RGS6: variants seen among roughly 807,000 people sequenced by gnomAD.
RGS6 encodes the protein regulator of G protein signaling 6.
Under a neutral mutation model 78.5 loss-of-function variants are expected in RGS6, and 30 were observed. The ratio of observed to expected loss-of-function variants is 0.38; its 90% CI spans 0.29 to 0.52. The LOEUF (loss-of-function observed/expected upper bound fraction) is 0.52, where lower values mean the gene tolerates loss of function less well. Ranked by LOEUF, RGS6 falls within the 20% of genes least tolerant of loss-of-function variation. RGS6 has a pLI of 0.85. For synonymous variants in RGS6, 206 were observed against 206.0 expected (o/e 1.00, Z 0.00); for missense variants, 495 against 609.7 (o/e 0.81, Z 1.98).
chr14:72,250,407 A>AAAC (rs1555577339), intron 2 of RGS6, among the ~76,000 whole-genome samples: 1 of 151,344 alleles, frequency 6.6e-6, no homozygotes, highest in Non-Finnish European at 1.5e-5. Flanking sequence ...CCGAAAAAAA[A>AAAC]AAAAAACCCC....
chr14:71,909,574 C>CCTAGAGAGAG, the RGS6 span, among the ~76,000 whole-genome samples: 1 of 16,928 alleles, frequency 5.9e-5, no homozygotes, highest in Non-Finnish European at 1.2e-4. Context: ...GAAATAAGGA[C>CCTAGAGAGAG]ATAGAGAGAG....
At chr14:72,079,059 A>G (rs187508326) in intron 2 of RGS6, among the ~76,000 whole-genome samples, 6 of 152,268 alleles carry the variant, frequency 3.9e-5, no homozygotes, top group Admixed American at 3.9e-4. Context: ...CAACTGATGT[A>G]CCAAAATTAA....
chr14:72,409,756 T>C (rs952019236), intron 3 of RGS6, among the ~76,000 whole-genome samples: 1 of 152,236 alleles, frequency 6.6e-6, no homozygotes, highest in Admixed American at 6.5e-5. Flanking sequence ...ATGTTCCCCT[T>C]CCTGTGTCCA....
At chr14:72,620,057 C>A in the RGS6 span, 1 of 1,425,316 alleles carries the variant, frequency 7.0e-7, no homozygotes, top group East Asian at 2.5e-5. Flanking sequence ...CCCCCGCTTA[C>A]CCATCAGCCT....
chr14:71,991,407 C>T (rs1384871293), intron 2 of RGS6, among the ~76,000 whole-genome samples: 1 of 152,140 alleles, frequency 6.6e-6, no homozygotes, highest in Non-Finnish European at 1.5e-5. Flanking sequence ...GAAGACAAAC[C>T]AATATTTCTC....
chr14:71,919,742 C>T, the RGS6 span, among the ~76,000 whole-genome samples: 1 of 152,124 alleles, frequency 6.6e-6, no homozygotes. Flanking sequence ...ACCTGTAAGC[C>T]TGGCACTTTG....
chr14:72,173,288 C>T (rs2097053402), intron 2 of RGS6, among the ~76,000 whole-genome samples: 2 of 152,042 alleles, frequency 1.3e-5, no homozygotes, highest in South Asian at 4.1e-4. Flanking sequence ...TGATCTGGCT[C>T]AGAATGTCAG....
rs532252967 is a variant in RGS6, at chr14:72,273,238, A to G, written c.85-78857A>G. Among the ~76,000 whole-genome samples the G allele has an allele frequency of 8.5e-5, 13 of 152,354 alleles. No individual in the cohort carries two copies. The South Asian group carries it at 2.3e-3, about 27-fold the overall frequency. ...TTGAGAAAGTTGATTCCGGCTTTCA[A>G]AGCTTGCATTATGGGTAAGAAACTT... is the stretch of plus-strand genomic sequence containing the variant. On this transcript the variant is annotated intron_variant, in intron 2 of 17. Transcript: ENST00000553525.
At chr14:72,138,449 G>GTTTTTTT (rs71448384) in intron 2 of RGS6, among the ~76,000 whole-genome samples, 4 of 86,648 alleles carry the variant, frequency 4.6e-5, no homozygotes, top group Admixed American at 1.3e-4. Flanking sequence ...ACCTGTACCT[G>GTTTTTTT]TTTTTTTTTT....
chr14:72,573,699 AG>A, the RGS6 span, among the ~76,000 whole-genome samples: 1 of 152,190 alleles, frequency 6.6e-6, no homozygotes, highest in South Asian at 2.1e-4. Flanking sequence ...GACTGCGGCC[AG>A]AATTTCTCTA....
At chr14:72,376,907 G>A (rs1317934656) in intron 3 of RGS6, among the ~76,000 whole-genome samples, 1 of 151,966 alleles carries the variant, frequency 6.6e-6, no homozygotes, top group Non-Finnish European at 1.5e-5. Flanking sequence ...ACTTATTGAT[G>A]GAGCCAATAC....
chr14:72,529,807 C>A (rs1010082365), intron 15 of RGS6, among the ~76,000 whole-genome samples: 1 of 152,214 alleles, frequency 6.6e-6, no homozygotes, highest in African/African-American at 2.4e-5. Flanking sequence ...TACCCTGTGC[C>A]TGTACTTCAT....
chr14:72,586,738 T>C, the RGS6 span, among the ~76,000 whole-genome samples: 1 of 152,158 alleles, frequency 6.6e-6, no homozygotes. Flanking sequence ...GCATCTCAAA[T>C]GGCCTGATGC....
At position 72,464,410 on chromosome 14, in the gene RGS6, A is replaced by G. The variant is rs74348760; in HGVS notation, c.395-1348A>G. Among the ~76,000 whole-genome samples, 1,071 of 152,346 alleles carry G rather than the reference A, an allele frequency of 7.0e-3. 7 individuals carry two copies. Among genetic ancestry groups the G allele is most frequent in the African/African-American group, 0.025 (1,025 of 41,582 alleles). On this transcript the variant is annotated intron_variant, in intron 6 of 17. Coordinates refer to ENST00000553525, the MANE Select transcript of RGS6 (RefSeq NM_001204424.2). Reference sequence around the variant, plus strand: ...CACAACTGACTCCTATGAGCACACAATTCGCCGGGTGGAAGCAGAAGTGTG... The same window carrying G: ...CACAACTGACTCCTATGAGCACACAGTTCGCCGGGTGGAAGCAGAAGTGTG...
chr14:72,614,748 T>C, the RGS6 span, among the ~76,000 whole-genome samples: 3 of 115,216 alleles, frequency 2.6e-5, no homozygotes, highest in Non-Finnish European at 5.0e-5. Context: ...ATAATAATAA[T>C]AATCTGTTGC....
chr14:72,333,320 G>T (rs990239164), intron 2 of RGS6, among the ~76,000 whole-genome samples: 3 of 152,234 alleles, frequency 2.0e-5, no homozygotes, highest in Non-Finnish European at 2.9e-5. Context: ...TGAACAGGCA[G>T]TTGGGAAGGC....
chr14:72,410,783 A>G (rs979060353), intron 3 of RGS6, among the ~76,000 whole-genome samples: 4 of 152,232 alleles, frequency 2.6e-5, no homozygotes, highest in Non-Finnish European at 2.9e-5. Context: ...AGCTTTCTAC[A>G]TATGGCTAGC....
At chr14:72,588,823 G>A in the RGS6 span, among the ~76,000 whole-genome samples, 1,534 of 152,214 alleles carry the variant, frequency 0.01, 29 homozygotes, top group African/African-American at 0.035. Flanking sequence ...CCACAAACTC[G>A]TTGGCCTGGG....
chr14:72,499,305 G>C (rs1035437568), intron 13 of RGS6, among the ~76,000 whole-genome samples: 1 of 152,150 alleles, frequency 6.6e-6, no homozygotes. Context: ...TGGCCTTACT[G>C]TCCATATGAG....
Sources: gnomAD v4.1 joint callset for allele counts (sites outside exome capture counted in the v4.1 genomes callset) on GRCh38, gnomAD v4.1.1 for gene constraint, MANE v1.5 for transcripts, NCBI Gene and HGNC (gene_info 2026-07-23, HGNC 2026-07-21) for gene names.